ADAMTSL1: variants seen among roughly 807,000 people sequenced by gnomAD.
The protein encoded by ADAMTSL1 is ADAMTS-like protein 1.
In ADAMTSL1, 126 loss-of-function variants were observed where a neutral mutation model predicts 201.8. The observed-to-expected ratio is 0.62, with a 90% CI of 0.54 to 0.72. ADAMTSL1 has a LOEUF of 0.72. ADAMTSL1 is among the 30% of genes least tolerant of loss of function. The pLI is 0.00. For missense variants in ADAMTSL1, 2,679 were observed against 2,277.8 expected, an observed-to-expected ratio of 1.18 and a Z score of -3.59; for synonymous variants, 1,121 against 903.4, an observed-to-expected ratio of 1.24 and a Z score of -4.32.
intron 2 of ADAMTSL1, among the ~76,000 whole-genome samples, chr9:18,222,687 T>G (rs1830309618): frequency 2.0e-5 from 3 of 149,106 alleles, no homozygotes; most frequent in African/African-American, 7.3e-5. Flanking sequence ...TTTTTAAACC[T>G]AAATCCTGGG....
intron 4 of ADAMTSL1, among the ~76,000 whole-genome samples, chr9:18,601,522 A>G (rs1298183837): frequency 2.0e-5 from 3 of 152,186 alleles, no homozygotes; most frequent in African/African-American, 7.2e-5. Context: ...CTATTACTGA[A>G]TTAATTAGCC....
chr9:18,124,203 C>T (rs556127865), intron 1 of ADAMTSL1, among the ~76,000 whole-genome samples: 3 of 151,232 alleles, frequency 2.0e-5, no homozygotes, highest in Admixed American at 1.3e-4. Context: ...CTGCCTCAGC[C>T]TCCCGAGTAG....
intron 23 of ADAMTSL1, among the ~76,000 whole-genome samples, chr9:18,847,056 C>G (rs952210916): frequency 2.0e-5 from 3 of 152,226 alleles, no homozygotes; most frequent in African/African-American, 7.2e-5. Context: ...AAGTCCTGCT[C>G]ATTTCCTTAA....
At chr9:18,773,779 T>A (rs534860192) in intron 17 of ADAMTSL1, among the ~76,000 whole-genome samples, 1 of 152,334 alleles carries the variant, frequency 6.6e-6, no homozygotes, top group Non-Finnish European at 1.5e-5. Flanking sequence ...ACTCTGTTTT[T>A]ATGTTTCTAC....
At chr9:18,899,857 T>C (rs1455894690) in intron 26 of ADAMTSL1, among the ~76,000 whole-genome samples, 1 of 139,200 alleles carries the variant, frequency 7.2e-6, no homozygotes, top group African/African-American at 2.5e-5. Context: ...ATCGAGGCAA[T>C]ACCATTCAGA....
At chr9:18,529,497 C>G (rs1048977601) in intron 2 of ADAMTSL1, among the ~76,000 whole-genome samples, 1 of 152,152 alleles carries the variant, frequency 6.6e-6, no homozygotes, top group Non-Finnish European at 1.5e-5. Flanking sequence ...CCTCAGCTTT[C>G]TCTGCCTCAG....
intron 19 of ADAMTSL1, among the ~76,000 whole-genome samples, chr9:18,781,246 G>T (rs138884627): frequency 3.2e-4 from 49 of 152,262 alleles, no homozygotes; most frequent in African/African-American, 1.1e-3. Context: ...ACATCGTTGT[G>T]GGGGAGGGTA....
intron 2 of ADAMTSL1, among the ~76,000 whole-genome samples, chr9:18,340,261 A>C (rs1229422932): frequency 6.6e-6 from 1 of 152,166 alleles, no homozygotes; most frequent in Non-Finnish European, 1.5e-5. Context: ...ATTCTGTCTT[A>C]TGCTGCTTAC....
intron 2 of ADAMTSL1, among the ~76,000 whole-genome samples, chr9:18,260,132 C>T (rs186505779): frequency 6.6e-6 from 1 of 152,278 alleles, no homozygotes; most frequent in South Asian, 2.1e-4. Context: ...AGCTTTAATT[C>T]CATTTCAGCT....
Position 18,140,183 on chromosome 9 carries a change from T to C in ADAMTSL1, c.88-23679T>C, listed in dbSNP as rs1826338046. 2.0e-5 allele frequency among the ~76,000 whole-genome samples: 3 copies of C among 152,096 alleles called. 1 individual carries two copies. The South Asian group carries it at 6.2e-4, about 32-fold the overall frequency. On this transcript the variant is annotated intron_variant, in intron 1 of 29. Coordinates refer to the ADAMTSL1 transcript ENST00000680146. Reference sequence around the variant, plus strand: ...TAGGGAAGTTAGACTTGACAAAAATTACCTAAATACAAAGTAAAAGAAGCC... The same window carrying C: ...TAGGGAAGTTAGACTTGACAAAAATCACCTAAATACAAAGTAAAAGAAGCC...
chr9:18,657,772 A>G, intron 8 of ADAMTSL1, 22 bp downstream of exon 8: 1 of 1,588,592 alleles, frequency 6.3e-7, no homozygotes, highest in Non-Finnish European at 8.6e-7. Context: ...CACTTAGTCT[A>G]AAAACTGTTG....
chr9:18,091,318 CT>C (rs1377575537), intron 1 of ADAMTSL1, among the ~76,000 whole-genome samples: 1 of 151,898 alleles, frequency 6.6e-6, no homozygotes, highest in Non-Finnish European at 1.5e-5. Flanking sequence ...TGGAAAGGGT[CT>C]GGCTGAAGTG....
intron 1 of ADAMTSL1, 147 bp downstream of exon 1, chr9:18,474,442 A>G: frequency 1.2e-6 from 1 of 843,924 alleles, no homozygotes; most frequent in Non-Finnish European, 1.9e-6. Context: ...ACAAAGAGAG[A>G]ATACTCCTTC....
intron 1 of ADAMTSL1, among the ~76,000 whole-genome samples, chr9:17,932,581 T>C (rs1195955655): frequency 6.6e-6 from 1 of 152,168 alleles, no homozygotes; most frequent in Non-Finnish European, 1.5e-5. Flanking sequence ...CATTAGTTTC[T>C]TGGGTGATTT....
chr9:18,344,026 T>G (rs900345287), intron 2 of ADAMTSL1, among the ~76,000 whole-genome samples: 2 of 152,142 alleles, frequency 1.3e-5, no homozygotes, highest in African/African-American at 4.8e-5. Context: ...AATCATCAAC[T>G]TTTCCCCAGA....
chr9:18,202,374 A>G lies in ADAMTSL1; in HGVS notation c.207+38393A>G, dbSNP rs199792216. 5.3e-5 allele frequency among the ~76,000 whole-genome samples: 8 copies of G among 152,232 alleles called. 1 individual carries two copies. In the East Asian group the frequency reaches 1.5e-3, roughly 29 times the overall value. ...AACCAAAAGTATTATTTGAGACTTC[A>G]TTCAGACAGTAGTTAATGTTCTTTC... On this transcript the variant is annotated intron_variant, in intron 2 of 29. Transcript: ENST00000680146.
At chr9:18,239,967 G>A (rs72684948) in intron 2 of ADAMTSL1, among the ~76,000 whole-genome samples, 5,096 of 152,186 alleles carry the variant, frequency 0.033, 131 homozygotes, top group Non-Finnish European at 0.054. Flanking sequence ...CTCCACTGAA[G>A]TCTTGATGTT....
At chr9:18,499,565 A>G (rs189678953) in intron 1 of ADAMTSL1, among the ~76,000 whole-genome samples, 13 of 152,354 alleles carry the variant, frequency 8.5e-5, no homozygotes, top group Admixed American at 6.5e-4. Context: ...GACCACAGGA[A>G]AAATGGTTCT....
chr9:17,954,136 T>C (rs746063308), intron 1 of ADAMTSL1, among the ~76,000 whole-genome samples: 3 of 152,220 alleles, frequency 2.0e-5, no homozygotes, highest in Non-Finnish European at 2.9e-5. Context: ...GGGATCTTCA[T>C]GTGGCTAGCT....
Sources: gnomAD v4.1 joint callset for allele counts (sites outside exome capture counted in the v4.1 genomes callset) on GRCh38, gnomAD v4.1.1 for gene constraint, MANE v1.5 for transcripts, NCBI Gene and HGNC (gene_info 2026-07-23, HGNC 2026-07-21) for gene names.